The following GAPVD1 variants were observed in gnomAD, a reference collection of about 807,000 sequenced individuals.
GAPVD1 encodes the protein GTPase-activating protein and VPS9 domain-containing protein 1.
Under a neutral mutation model 155.5 loss-of-function variants are expected in GAPVD1, and 35 were observed. The observed-to-expected ratio is 0.23, with a 90% confidence interval of 0.17 to 0.30. GAPVD1 has a LOEUF of 0.30. Ranked by LOEUF, GAPVD1 falls within the 10% of genes least tolerant of loss-of-function variation. The pLI, the probability that GAPVD1 is intolerant of heterozygous loss-of-function variation, is 1.00. For missense variants in GAPVD1, 1,429 were observed against 1,775.7 expected, an observed-to-expected ratio of 0.80 and a Z score of 3.51; for synonymous variants, 636 against 619.7, an observed-to-expected ratio of 1.03 and a Z score of -0.39.
chr9:125,362,300 C>T (rs762464854), intron 27 of GAPVD1, among the ~76,000 whole-genome samples: 6 of 151,902 alleles, frequency 3.9e-5, no homozygotes, highest in South Asian at 2.1e-4. Flanking sequence ...TTCTGAAATC[C>T]GGGGATGTTG....
At chr9:125,305,483 G>T (rs1238097394) in intron 6 of GAPVD1, among the ~76,000 whole-genome samples, 2 of 147,218 alleles carry the variant, frequency 1.4e-5, no homozygotes, top group East Asian at 4.1e-4. Flanking sequence ...GCAACTCTCT[G>T]CCTCAGCCTC....
At chr9:125,324,043 A>G in intron 11 of GAPVD1, 120 bp downstream of exon 11, 2 of 773,380 alleles carry the variant, frequency 2.6e-6, no homozygotes, top group South Asian at 1.8e-5. Context: ...CATTAAACTT[A>G]ACATTTATTC....
At position 125,355,822 on chromosome 9, in the gene GAPVD1, C is replaced by T. The variant is rs1408244803; in HGVS notation, c.3936C>T (p.Phe1312=). ...SVMNRIFKLA[F]YPNQDGDILR... The stretch of plus-strand genomic sequence containing the variant: ...TGAACCGGATTTTCAAGCTCGCCTT[C>T]TACCCTAATCAAGATGGGGACATAC... The change falls in exon 25 of 28, where the codon TTC becomes TTT. Residue 1312 remains phenylalanine, a synonymous_variant. Coordinates refer to ENST00000297933, the MANE Select transcript of GAPVD1 (RefSeq NM_001282680.3). 8.1e-6 allele frequency: 13 copies of T among 1,610,790 alleles called. No homozygotes were observed. The highest frequency in any genetic ancestry group is 1.1e-5 in the Non-Finnish European group (13 of 1,177,082).
Position 125,298,481 on chromosome 9 carries a change from ATTTT to A in GAPVD1, c.-32-386_-32-383del, listed in dbSNP as rs34644117. Among the ~76,000 whole-genome samples, 15 of 89,260 alleles carry A rather than the reference ATTTT, an allele frequency of 1.7e-4. No homozygotes were observed. In the South Asian group the frequency reaches 4.2e-3, roughly 25 times the overall value. 58.6% of individuals were successfully genotyped at this position (89,260 alleles called of 152,430 possible). ...TAAAAGTGGCATCAAATGTAACCTA[ATTTT>A]TTTTTTTTTTTTTTTTTTTTTTGAG... On this transcript the variant is annotated intron_variant, in intron 3 of 27. Coordinates refer to ENST00000297933, the MANE Select transcript of GAPVD1 (RefSeq NM_001282680.3).
At chr9:125,336,049 G>A (rs913201343) in intron 15 of GAPVD1, among the ~76,000 whole-genome samples, 3 of 151,292 alleles carry the variant, frequency 2.0e-5, no homozygotes, top group Non-Finnish European at 2.9e-5. Flanking sequence ...GGAGGCTAAG[G>A]CAGGAGGATC....
intron 8 of GAPVD1, chr9:125,310,025 T>G (rs1338046669): frequency 5.2e-6 from 2 of 382,102 alleles, no homozygotes; most frequent in South Asian, 4.2e-5. Flanking sequence ...TAATAGGCTG[T>G]TCTTCCTCTT....
At chr9:125,361,705 A>G (rs1050926041) in intron 27 of GAPVD1, among the ~76,000 whole-genome samples, 4 of 152,126 alleles carry the variant, frequency 2.6e-5, no homozygotes, top group African/African-American at 9.7e-5. Flanking sequence ...TTAGCTTCTT[A>G]TTTTGTAATT....
At chr9:125,325,930 A>G (rs554322620) in intron 11 of GAPVD1, among the ~76,000 whole-genome samples, 65 of 152,322 alleles carry the variant, frequency 4.3e-4, no homozygotes, top group African/African-American at 1.4e-3. Flanking sequence ...AATGTGATGA[A>G]ATCTCACACA....
At chr9:125,354,137 A>G (rs1033673397) in intron 23 of GAPVD1, among the ~76,000 whole-genome samples, 6 of 152,284 alleles carry the variant, frequency 3.9e-5, no homozygotes, top group African/African-American at 1.4e-4. Context: ...TTATGGAGAA[A>G]AATGTAACTG....
chr9:125,297,582 A>G (rs1259262677), intron 3 of GAPVD1, among the ~76,000 whole-genome samples: 11 of 152,146 alleles, frequency 7.2e-5, no homozygotes, highest in Admixed American at 2.6e-4. Context: ...AACAGCAAGA[A>G]GGCAGATGTT....
intron 2 of GAPVD1, among the ~76,000 whole-genome samples, chr9:125,273,486 TTTTTC>T (rs981733551): frequency 2.0e-5 from 3 of 151,900 alleles, no homozygotes; most frequent in Non-Finnish European, 4.4e-5. Flanking sequence ...ATTTTTATTG[TTTTTC>T]TTTTCTTTTT....
At chr9:125,292,774 T>G (rs777147926) in intron 2 of GAPVD1, among the ~76,000 whole-genome samples, 3 of 152,042 alleles carry the variant, frequency 2.0e-5, no homozygotes, top group Non-Finnish European at 2.9e-5. Flanking sequence ...ACATGCAGGA[T>G]TTTCTGGGGC....
At chr9:125,262,376 A>C (rs963373790) in intron 1 of GAPVD1, among the ~76,000 whole-genome samples, 15 of 152,168 alleles carry the variant, frequency 9.9e-5, no homozygotes, top group Non-Finnish European at 1.8e-4. Flanking sequence ...GAAGCTTGAC[A>C]AGCTGGACAC....
At chr9:125,309,114 G>A (rs181385518) in intron 8 of GAPVD1, 5 of 151,810 alleles carry the variant, frequency 3.3e-5, no homozygotes, top group Admixed American at 2.0e-4. Context: ...TTGAAGAGAG[G>A]GATTTTACTT....
At position 125,302,335 on chromosome 9, in the gene GAPVD1, A is replaced by G. The variant is rs748982313; in HGVS notation, c.538A>G (p.Ile180Val). The change falls in exon 5 of 28, where the codon ATC becomes GTC. Residue 180 changes from isoleucine to valine, a missense_variant. Around this residue, in one of 4 missense-constraint regions of GAPVD1, gnomAD observed 628 missense variants for 733.4 expected, o/e 0.86. Coordinates refer to ENST00000297933, the MANE Select transcript of GAPVD1 (RefSeq NM_001282680.3). ...LLRRGTCAFSILFKLFSEGLF... is the reference protein window; with the variant it reads ...LLRRGTCAFSVLFKLFSEGLF... Reference sequence around the variant, plus strand: ...GAGGAGAGGAACTTGTGCCTTCAGCATCTTATTTAAACTTTTTTCTGAAGG... The same window carrying G: ...GAGGAGAGGAACTTGTGCCTTCAGCGTCTTATTTAAACTTTTTTCTGAAGG... 13 of 1,614,080 alleles carry G rather than the reference A, an allele frequency of 8.1e-6. No individual in the cohort carries two copies. Among genetic ancestry groups the G allele is most frequent in the East Asian group, 4.5e-5 (2 of 44,886 alleles).
chr9:125,360,434 T>G, intron 26 of GAPVD1, 94 bp from the exon 27 acceptor site: 1 of 944,546 alleles, frequency 1.1e-6, no homozygotes, highest in Middle Eastern at 2.1e-4. Context: ...AGCAACCACA[T>G]TATCCTCTGC....
chr9:125,273,543 T>C (rs773160939), intron 2 of GAPVD1, among the ~76,000 whole-genome samples: 4 of 151,818 alleles, frequency 2.6e-5, no homozygotes, highest in Non-Finnish European at 5.9e-5. Context: ...GAAGAGGTGA[T>C]TTATTGTATG....
chr9:125,360,775 G>T, intron 27 of GAPVD1, 50 bp downstream of exon 27: 1 of 1,338,678 alleles, frequency 7.5e-7, no homozygotes, highest in Non-Finnish European at 1.1e-6. Context: ...ATTCTGAGCA[G>T]GTGGCACAGG....
chr9:125,365,506 G>A lies in GAPVD1; in HGVS notation c.*2760G>A, dbSNP rs1186777441. On this transcript the variant is annotated 3_prime_UTR_variant, in exon 28 of 28. Transcript: ENST00000297933. ...GTGGATGTTAAATGGAGAGAGAGTT[G>A]GCTCAGGTCCCCTGAAATCTTGTAG... 1 of 152,118 alleles carries A rather than the reference G, an allele frequency of 6.6e-6. No individual in the cohort carries two copies. Among genetic ancestry groups the A allele is most frequent in the African/African-American group, 2.4e-5 (1 of 41,430 alleles). The allele number at this position is 152,118 out of a possible 1,614,324, so 9.4% of individuals were successfully genotyped here. A position where few individuals can be genotyped will look rare whatever the true frequency, so the allele number is the denominator to read the frequency against.
Sources: allele counts gnomAD v4.1 joint callset (sites outside exome capture counted in the v4.1 genomes callset), GRCh38; gene constraint gnomAD v4.1.1; regional missense constraint gnomAD v4.1.1; transcripts MANE v1.5; gene names NCBI Gene and HGNC (gene_info 2026-07-23, HGNC 2026-07-21).